DOCK8: variants seen among roughly 807,000 people sequenced by gnomAD.
DOCK8 encodes dedicator of cytokinesis protein 8.
DOCK8 carries 141 observed loss-of-function variants against 245.6 expected under a neutral mutation model. The ratio of observed to expected loss-of-function variants is 0.57; its 90% confidence interval spans 0.50 to 0.66. The LOEUF is 0.66. Ranked by LOEUF, DOCK8 falls within the 30% of genes least tolerant of loss-of-function variation. DOCK8 has a pLI of 0.00. For missense variants in DOCK8, 2,965 were observed against 2,603.4 expected (o/e 1.14, Z -3.02); for synonymous variants, 1,168 against 970.2 (o/e 1.20, Z -3.79).
intron 5 of DOCK8, among the ~76,000 whole-genome samples, chr9:310,260 T>A (rs2130672896): frequency 2.4e-5 from 2 of 82,778 alleles, no homozygotes; most frequent in South Asian, 4.2e-4. Flanking sequence ...AATGTGAAAC[T>A]CCGTCTAAAA....
chr9:442,865 T>C (rs1467413939), intron 42 of DOCK8, among the ~76,000 whole-genome samples: 2 of 151,216 alleles, frequency 1.3e-5, no homozygotes, highest in Admixed American at 6.6e-5. Context: ...TGTTGCCTAA[T>C]GGCTTCGTAC....
intron 12 of DOCK8, among the ~76,000 whole-genome samples, chr9:337,477 T>C (rs1204354823): frequency 6.6e-6 from 1 of 152,170 alleles, no homozygotes; most frequent in Non-Finnish European, 1.5e-5. Flanking sequence ...ATGACAACAG[T>C]CTGGCTGGGC....
intron 1 of DOCK8, among the ~76,000 whole-genome samples, chr9:235,373 G>T (rs1048982701): frequency 2.6e-5 from 4 of 152,176 alleles, no homozygotes; most frequent in African/African-American, 4.8e-5. Context: ...CAGTCTGCCC[G>T]TTCTCAGATC....
intron 7 of DOCK8, among the ~76,000 whole-genome samples, chr9:317,729 C>T (rs2050408397): frequency 6.6e-6 from 1 of 152,202 alleles, no homozygotes; most frequent in Admixed American, 6.5e-5. Context: ...CTGCTAGCAA[C>T]AGACTCTTGC....
At chr9:216,464 A>C (rs577102323) in intron 1 of DOCK8, among the ~76,000 whole-genome samples, 73 of 148,260 alleles carry the variant, frequency 4.9e-4, no homozygotes, top group Non-Finnish European at 7.7e-4. Context: ...TGAGCCCAGG[A>C]GGATCACAGC....
chr9:333,017 G>T (rs1471241608), intron 10 of DOCK8, among the ~76,000 whole-genome samples: 1 of 152,052 alleles, frequency 6.6e-6, no homozygotes, highest in African/African-American at 2.4e-5. Context: ...ATACAGCAAG[G>T]TCTGACTGCA....
At chr9:273,272 C>G (rs1256024225) in intron 2 of DOCK8, among the ~76,000 whole-genome samples, 1 of 152,024 alleles carries the variant, frequency 6.6e-6, no homozygotes, top group African/African-American at 2.4e-5. Context: ...CTAGACTGGC[C>G]TTTTTATTTG....
chr9:253,005 GT>G (rs1196899917), intron 1 of DOCK8, among the ~76,000 whole-genome samples: 1 of 152,052 alleles, frequency 6.6e-6, no homozygotes, highest in Non-Finnish European at 1.5e-5. Flanking sequence ...GATTCAAAAT[GT>G]TTTTTCGGAA....
At chr9:258,526 T>C (rs2047833691) in intron 1 of DOCK8, among the ~76,000 whole-genome samples, 1 of 151,978 alleles carries the variant, frequency 6.6e-6, no homozygotes, top group Non-Finnish European at 1.5e-5. Context: ...CTGAGAATAG[T>C]TTTATTTCAA....
chr9:232,790 C>T (rs201461016), intron 1 of DOCK8, among the ~76,000 whole-genome samples: 1 of 152,012 alleles, frequency 6.6e-6, no homozygotes, highest in South Asian at 2.1e-4. Context: ...TCTCTCTTTT[C>T]TTCTTTGTTA....
intron 6 of DOCK8, among the ~76,000 whole-genome samples, chr9:313,665 G>T (rs186996201): frequency 6.6e-6 from 1 of 152,186 alleles, no homozygotes. Context: ...GGAGGAATAC[G>T]TTTTAGTGAC....
intron 4 of DOCK8, 106 bp from the exon 5 acceptor site, chr9:304,475 T>A: frequency 6.8e-7 from 1 of 1,466,676 alleles, no homozygotes; most frequent in Non-Finnish European, 9.4e-7. Context: ...TTGAAAGCTC[T>A]CTCAGCACCA....
At chr9:232,227 T>C (rs901638454) in intron 1 of DOCK8, among the ~76,000 whole-genome samples, 3 of 152,340 alleles carry the variant, frequency 2.0e-5, no homozygotes, top group Admixed American at 1.3e-4. Context: ...GAACCAGCCT[T>C]GCATCCCAGG....
chr9:215,102 A>AGG, intron 1 of DOCK8, 73 bp downstream of exon 1: 1 of 1,511,324 alleles, frequency 6.6e-7, no homozygotes. Flanking sequence ...GCTTCGCTGC[A>AGG]GGGGCCGAGG....
At chr9:400,046 C>CCACCACCACCAGCATCTT (rs1564011803) in intron 26 of DOCK8, among the ~76,000 whole-genome samples, 16 of 125,700 alleles carry the variant, frequency 1.3e-4, no homozygotes, top group Non-Finnish European at 4.8e-5. Flanking sequence ...ACCACCACCT[C>CCACCACCACCAGCATCTT]CACCATCACC....
chr9:371,435 G>T lies in DOCK8; in HGVS notation c.1876G>T (p.Asp626Tyr), dbSNP rs763872135. ...TAVTYHNKSPDFYEEVKIKLP... is the reference protein window; with the variant it reads ...TAVTYHNKSPYFYEEVKIKLP... ...AATGTGCTTTTGAAACAGGTCTCCT[G>T]ACTTTTATGAAGAAGTGAAAATTAA... Residue 626 changes from aspartate (D) to tyrosine (Y), a missense_variant, in exon 17 of 48, where the codon GAC (aspartate) becomes TAC (tyrosine). Physicochemically the swap from Asp to Tyr is radical, Grantham distance 160 (BLOSUM62 -3). Coordinates refer to ENST00000432829, the MANE Select transcript of DOCK8 (RefSeq NM_203447.4). 1 of 1,614,078 alleles carries T rather than the reference G, an allele frequency of 6.2e-7. No homozygotes were observed. The highest frequency in any genetic ancestry group is 1.3e-5 in the African/African-American group (1 of 74,938).
At chr9:455,127 G>A (rs1470859090) in intron 46 of DOCK8, among the ~76,000 whole-genome samples, 1 of 152,160 alleles carries the variant, frequency 6.6e-6, no homozygotes, top group Admixed American at 6.5e-5. Context: ...CTGCTGCATT[G>A]TTCTAGGAGG....
intron 5 of DOCK8, among the ~76,000 whole-genome samples, chr9:307,719 T>C (rs2049913231): frequency 1.3e-5 from 2 of 152,112 alleles, no homozygotes; most frequent in South Asian, 4.1e-4. Flanking sequence ...ACTAGATATA[T>C]GTCCAGAGGA....
intron 1 of DOCK8, among the ~76,000 whole-genome samples, chr9:243,710 T>G (rs1563835027): frequency 6.6e-6 from 1 of 152,092 alleles, no homozygotes; most frequent in Non-Finnish European, 1.5e-5. Context: ...GATAAAGTGT[T>G]ATTCCATGTA....
Sources: allele counts gnomAD v4.1 joint callset (sites outside exome capture counted in the v4.1 genomes callset), GRCh38; gene constraint gnomAD v4.1.1; transcripts MANE v1.5; gene names NCBI Gene and HGNC (gene_info 2026-07-23, HGNC 2026-07-21).